The following SHD variants were observed in gnomAD, a reference collection of about 807,000 sequenced individuals.
SHD encodes Src homology 2 domain containing transforming protein D, also known as SH2 domain-containing adapter protein D.
In SHD, 29 loss-of-function variants were observed where a neutral mutation model predicts 31.2. That is an observed-to-expected ratio of 0.93 (90% CI 0.69 to 1.27). The LOEUF (loss-of-function observed/expected upper bound fraction) is 1.27, where lower values mean the gene tolerates loss of function less well. Among genes scored for constraint, SHD ranks in the 50% most tolerant of loss-of-function variants. The pLI is 0.00. For missense variants in SHD, 520 were observed against 453.8 expected (o/e 1.15, Z -1.33); for synonymous variants, 208 against 187.8 (o/e 1.11, Z -0.88).
chr19:4,286,666 G>A lies in SHD; in HGVS notation c.717-1577G>A, dbSNP rs191241874. Among the ~76,000 whole-genome samples, 8 of 151,958 alleles carry A rather than the reference G, an allele frequency of 5.3e-5. No individual in the cohort carries two copies. In the South Asian group the frequency reaches 6.2e-4, roughly 12 times the overall value. ...TGTTATCCCAGCACTTTGGGAGGCC[G>A]GGGTGGGCAGATCATGAGGTCAAGA... On this transcript the variant is annotated intron_variant, in intron 4 of 5. Coordinates refer to ENST00000543264, the MANE Select transcript of SHD (RefSeq NM_020209.4).
At chr19:4,288,876 C>T (rs1224019302) in intron 5 of SHD, among the ~76,000 whole-genome samples, 1 of 152,100 alleles carries the variant, frequency 6.6e-6, no homozygotes, top group Non-Finnish European at 1.5e-5. Flanking sequence ...CAGCTGACGT[C>T]TGTAATCCCA....
At position 4,280,099 on chromosome 19, in the gene SHD, G is replaced by C; in HGVS notation, c.36G>C (p.Gly12=). ...GGCTACGGGACTACCTGAGCTTTGG[G>C]GGTCGGAGGCCCCCTCCGCAGCCGC... is the stretch of plus-strand genomic sequence containing the variant. ...AKWLRDYLSF[G]GRRPPPQPPT... The change falls in exon 1 of 6, where the codon GGG becomes GGC. Residue 12 remains glycine, a synonymous_variant. Coordinates refer to ENST00000543264, the MANE Select transcript of SHD (RefSeq NM_020209.4). 1 of 1,612,024 alleles carries C rather than the reference G, an allele frequency of 6.2e-7. No homozygotes were observed. The highest frequency in any genetic ancestry group is 8.5e-7 in the Non-Finnish European group (1 of 1,179,358).
Position 4,288,367 on chromosome 19 carries a change from G to T in SHD, c.836+5G>T. On this transcript the variant is annotated splice_donor_5th_base_variant and intron_variant, in intron 5 of 5. Transcript: ENST00000543264. ...GGACTGCTCCTTGTCTCTCAGGTGA[G>T]AACTCAGCCTCACAGGGACGAAGGG... The T allele has an allele frequency of 6.2e-7, 1 of 1,611,728 alleles. No individual in the cohort carries two copies. Among genetic ancestry groups the T allele is most frequent in the Non-Finnish European group, 8.5e-7 (1 of 1,178,918 alleles).
chr19:4,280,351 C>T lies in SHD; in HGVS notation c.288C>T (p.Pro96=), dbSNP rs1461056537. 1.3e-6 allele frequency: 2 copies of T among 1,568,348 alleles called. No homozygotes were observed. Among genetic ancestry groups the T allele is most frequent in the South Asian group, 1.2e-5 (1 of 86,110 alleles). ...MARAKALLGG[P]GEELEADTEY... ...GAGCCAAGGCCCTTCTGGGCGGCCC[C>T]GGGGAGGAGGTGCGTGGCTGGGTGG... The change falls in exon 1 of 6, where the codon CCC becomes CCT. Residue 96 remains proline, a synonymous_variant. Transcript: ENST00000543264.
Position 4,279,804 on chromosome 19 carries a change from TC to T in SHD, c.-255del, listed in dbSNP as rs1401283613. ...TTCGGGGCCCTGCGAGGTCCCCCCT[TC>T]CCCCGCGGTGCTTCCCAAGCTGGGC... On this transcript the variant is annotated 5_prime_UTR_variant, in exon 1 of 6. An upstream open reading frame in the 5' UTR loses its in-frame stop. Transcript: ENST00000543264. This position sits in a 1 kb window ranked among gnomAD's most constrained non-coding sequence, Gnocchi z 7.5. 4.4e-5 allele frequency: 22 copies of T among 503,944 alleles called. No individual in the cohort carries two copies. The highest frequency in any genetic ancestry group is 7.7e-5 in the Non-Finnish European group (22 of 287,078). The allele number at this position is 503,944 out of a possible 1,614,324, so 31.2% of individuals were successfully genotyped here. A position where few individuals can be genotyped will look rare whatever the true frequency, so the allele number is the denominator to read the frequency against.
At chr19:4,289,223 G>A (rs1490537101) in intron 5 of SHD, among the ~76,000 whole-genome samples, 1 of 144,334 alleles carries the variant, frequency 6.9e-6, no homozygotes, top group East Asian at 2.1e-4. Context: ...CCATTCTCCT[G>A]CCTCAGCCTC....
Position 4,284,910 on chromosome 19 carries a change from T to G in SHD, c.716+6T>G. On this transcript the variant is annotated splice_donor_region_variant and intron_variant, in intron 4 of 5. Transcript: ENST00000543264. ...CTGCCCCTGGAGAAACAGCCGTGAG[T>G]GGGGAAGCTGAAGGTGGAAGAGCCC... The G allele has an allele frequency of 6.3e-7, 1 of 1,583,050 alleles. No individual in the cohort carries two copies. The highest frequency in any genetic ancestry group is 8.6e-7 in the Non-Finnish European group (1 of 1,161,970).
At chr19:4,284,352 G>C (rs1335440905) in intron 3 of SHD, 2 of 155,002 alleles carry the variant, frequency 1.3e-5, no homozygotes, top group Admixed American at 6.5e-5. Flanking sequence ...ACCAGGAAGA[G>C]TTGTGCAAAC....
At position 4,282,401 on chromosome 19, in the gene SHD, C is replaced by T. The variant is rs1007816964; in HGVS notation, c.298-469C>T. Among the ~76,000 whole-genome samples the T allele has an allele frequency of 2.6e-5, 4 of 152,020 alleles. No homozygotes were observed. In the South Asian group the frequency reaches 6.2e-4, roughly 24 times the overall value. ...CACCACTGCACTGTAGCCTGGGCAA[C>T]GGAGCAAGACTCCATCTCAAAATAA... On this transcript the variant is annotated intron_variant, in intron 1 of 5. Transcript: ENST00000543264.
chr19:4,289,406 C>T (rs1384879929), intron 5 of SHD, among the ~76,000 whole-genome samples: 3 of 151,296 alleles, frequency 2.0e-5, no homozygotes, highest in African/African-American at 4.9e-5. Context: ...CCGCCATGCC[C>T]GGCTAATTTT....
chr19:4,280,414 C>A, intron 1 of SHD, 54 bp downstream of exon 1: 1 of 1,493,040 alleles, frequency 6.7e-7, no homozygotes, highest in South Asian at 1.3e-5. Context: ...TCAGGATGGG[C>A]TCTCTGGATC....
intron 4 of SHD, 98 bp downstream of exon 4, chr19:4,285,002 C>G: frequency 7.6e-7 from 1 of 1,311,012 alleles, no homozygotes; most frequent in Non-Finnish European, 9.9e-7. Context: ...ATTAGAGGAA[C>G]TGGGGGAACT....
chr19:4,286,272 TTTC>T (rs1971314727), intron 4 of SHD, among the ~76,000 whole-genome samples: 1 of 112,296 alleles, frequency 8.9e-6, no homozygotes, highest in African/African-American at 3.2e-5. Flanking sequence ...TCTTTCTTTC[TTTC>T]TTTCTTTTTT....
At chr19:4,288,424 T>G in intron 5 of SHD, 62 bp downstream of exon 5, 1 of 1,535,132 alleles carries the variant, frequency 6.5e-7, no homozygotes, top group Non-Finnish European at 8.8e-7. Flanking sequence ...CCTTTTGGGT[T>G]AATTCAGAGG....
Position 4,280,042 on chromosome 19 carries a change from G to T in SHD, c.-22G>T, listed in dbSNP as rs1247233196. On this transcript the variant is annotated 5_prime_UTR_variant, in exon 1 of 6. Coordinates refer to ENST00000543264, the MANE Select transcript of SHD (RefSeq NM_020209.4). ...GTGGGGGCCCCTCTGACAGTGGCCC[G>T]ATTGGGGTGACAGGCGCCCAAATGG... is the stretch of plus-strand genomic sequence containing the variant. The T allele has an allele frequency of 6.3e-7, 1 of 1,575,528 alleles. No individual in the cohort carries two copies.
Position 4,285,003 on chromosome 19 carries a change from T to C in SHD, c.716+99T>C, listed in dbSNP as rs541671775. 311 of 1,312,586 alleles carry C rather than the reference T, an allele frequency of 2.4e-4. No individual in the cohort carries two copies. The African/African-American group carries it at 4.4e-3, about 19-fold the overall frequency. The allele number at this position is 1,312,586 out of a possible 1,614,324, so 81.3% of individuals were successfully genotyped here. A position where few individuals can be genotyped will look rare whatever the true frequency, so the allele number is the denominator to read the frequency against. On this transcript the variant is annotated intron_variant, in intron 4 of 5. Transcript: ENST00000543264. Reference sequence around the variant, plus strand: ...TTTTCGTTTCCCAGATTAGAGGAACTGGGGGAACTTCGATTCATTCATCCA... The same window carrying C: ...TTTTCGTTTCCCAGATTAGAGGAACCGGGGGAACTTCGATTCATTCATCCA...
intron 4 of SHD, 69 bp downstream of exon 4, chr19:4,284,973 A>T: frequency 7.2e-7 from 1 of 1,390,830 alleles, no homozygotes. Flanking sequence ...TATCAGGCAG[A>T]AGTTTTTTCG....
At chr19:4,286,490 A>C (rs112404805) in intron 4 of SHD, among the ~76,000 whole-genome samples, 7 of 151,898 alleles carry the variant, frequency 4.6e-5, no homozygotes. Flanking sequence ...CAGGCACGCC[A>C]TATGTGCTTA....
chr19:4,287,649 G>T (rs1296935730), intron 4 of SHD, among the ~76,000 whole-genome samples: 2 of 151,886 alleles, frequency 1.3e-5, no homozygotes, highest in African/African-American at 2.4e-5. Context: ...GCCATGTGTG[G>T]TGCTATGCGC....
Sources: gnomAD v4.1 joint callset for allele counts (sites outside exome capture counted in the v4.1 genomes callset) on GRCh38, gnomAD v4.1.1 for gene constraint, Gnocchi (gnomAD v3.1) non-coding constraint, MANE v1.5 for transcripts, NCBI Gene and HGNC (gene_info 2026-07-23, HGNC 2026-07-21) for gene names.